WDPCP: variants seen among roughly 807,000 people sequenced by gnomAD.
WDPCP encodes the protein WD repeat containing planar cell polarity effector.
In WDPCP, 71 loss-of-function variants were observed where a neutral mutation model predicts 93.1. The observed-to-expected ratio is 0.76, with a 90% CI of 0.63 to 0.93. WDPCP has a LOEUF of 0.93. Among genes scored for constraint, WDPCP ranks in the 40% least tolerant of loss-of-function variants. The pLI is 0.00. For missense variants in WDPCP, 844 were observed against 887.4 expected, an observed-to-expected ratio of 0.95 and a Z score of 0.62; for synonymous variants, 315 against 315.0, an observed-to-expected ratio of 1.00 and a Z score of 0.00.
intron 1 of WDPCP, among the ~76,000 whole-genome samples, chr2:63,584,601 G>A (rs534990892): frequency 1.1e-4 from 17 of 151,906 alleles, no homozygotes; most frequent in Non-Finnish European, 2.2e-4. Flanking sequence ...CCTATTGATG[G>A]CCATATGGGT....
chr2:63,294,819 G>C (rs1239784566), intron 13 of WDPCP, among the ~76,000 whole-genome samples: 2 of 151,966 alleles, frequency 1.3e-5, no homozygotes, highest in Non-Finnish European at 2.9e-5. Context: ...TCCACCTTTT[G>C]CTCTCTATAC....
chr2:63,788,621 A>ATT (rs1670502424), intron 2 of WDPCP, among the ~76,000 whole-genome samples: 1 of 152,158 alleles, frequency 6.6e-6, no homozygotes, highest in Non-Finnish European at 1.5e-5. Context: ...TCTAAAGGAC[A>ATT]TTTTTATTTT....
intron 13 of WDPCP, among the ~76,000 whole-genome samples, chr2:63,277,160 T>C (rs1036755934): frequency 6.6e-6 from 1 of 152,106 alleles, no homozygotes; most frequent in Non-Finnish European, 1.5e-5. Context: ...TACAGTCTTT[T>C]CCAGACAGAC....
chr2:63,445,563 T>C (rs184088824), intron 6 of WDPCP, among the ~76,000 whole-genome samples: 1 of 152,146 alleles, frequency 6.6e-6, no homozygotes, highest in Admixed American at 6.5e-5. Flanking sequence ...CACAGAAACA[T>C]GGTCAAATTT....
At chr2:63,306,383 C>T (rs761305343) in intron 13 of WDPCP, among the ~76,000 whole-genome samples, 1 of 152,198 alleles carries the variant, frequency 6.6e-6, no homozygotes. Context: ...CTCCCTAACT[C>T]ATTTTATGAG....
At chr2:63,503,094 G>A (rs1701654662) in intron 1 of WDPCP, among the ~76,000 whole-genome samples, 2 of 152,110 alleles carry the variant, frequency 1.3e-5, no homozygotes. Flanking sequence ...GTTAAATTTG[G>A]AAAATATTTC....
intron 1 of WDPCP, among the ~76,000 whole-genome samples, chr2:63,560,226 GAAAAT>G (rs1026949761): frequency 2.0e-5 from 3 of 151,600 alleles, no homozygotes; most frequent in Admixed American, 1.3e-4. Flanking sequence ...TCCGTCGCAA[GAAAAT>G]AAAATAAAAT....
intron 1 of WDPCP, among the ~76,000 whole-genome samples, chr2:63,586,729 C>G (rs750940915): frequency 2.0e-4 from 31 of 152,202 alleles, no homozygotes; most frequent in Non-Finnish European, 3.4e-4. Context: ...TTCTGTATAT[C>G]TGGACTGGAT....
intron 14 of WDPCP, among the ~76,000 whole-genome samples, chr2:63,251,486 CTTT>C (rs869243555): frequency 3.7e-5 from 4 of 107,166 alleles, no homozygotes; most frequent in African/African-American, 3.6e-5. Flanking sequence ...AAAAGCCTAC[CTTT>C]TTTTTTTTTT....
intron 14 of WDPCP, among the ~76,000 whole-genome samples, chr2:63,242,195 T>C (rs904650891): frequency 2.0e-5 from 3 of 152,158 alleles, no homozygotes; most frequent in African/African-American, 7.2e-5. Context: ...TATCAGAATT[T>C]TAAAATACAT....
At chr2:63,583,889 C>G (rs1289855059) in intron 1 of WDPCP, among the ~76,000 whole-genome samples, 1 of 151,960 alleles carries the variant, frequency 6.6e-6, no homozygotes, top group Non-Finnish European at 1.5e-5. Flanking sequence ...GAGGATCATT[C>G]AAGCCCAGGC....
At chr2:63,267,380 C>T (rs1682226054) in intron 13 of WDPCP, among the ~76,000 whole-genome samples, 1 of 152,110 alleles carries the variant, frequency 6.6e-6, no homozygotes, top group African/African-American at 2.4e-5. Flanking sequence ...AAGCACAAGA[C>T]TTGAAACTTG....
At chr2:63,746,082 G>A (rs1380382838) in intron 2 of WDPCP, among the ~76,000 whole-genome samples, 8 of 152,190 alleles carry the variant, frequency 5.3e-5, no homozygotes, top group Admixed American at 2.0e-4. Flanking sequence ...ACCCCAAACA[G>A]AGGGACTGGC....
At chr2:63,700,260 G>C (rs1224298647) in intron 2 of WDPCP, among the ~76,000 whole-genome samples, 1 of 131,770 alleles carries the variant, frequency 7.6e-6, no homozygotes, top group Non-Finnish European at 1.6e-5. Flanking sequence ...TGCAGCCTGG[G>C]TGACAGAGTG....
chr2:63,711,671 A>C (rs1226962601), intron 2 of WDPCP: 7 of 152,296 alleles, frequency 4.6e-5, no homozygotes, highest in African/African-American at 1.7e-4. Flanking sequence ...TAAAGGGGGA[A>C]GATCCATTGA....
chr2:63,632,259 G>GAAC (rs1301565992), intron 3 of WDPCP, among the ~76,000 whole-genome samples: 1 of 151,942 alleles, frequency 6.6e-6, no homozygotes, highest in Non-Finnish European at 1.5e-5. Context: ...ATCAACATGA[G>GAAC]AACAACAACA....
chr2:63,121,028 T>C lies in WDPCP; in HGVS notation c.*978A>G, dbSNP rs1669519212. On this transcript the variant is annotated 3_prime_UTR_variant, in exon 18 of 18. Transcript: ENST00000272321. ...AACCAGGGTATCGGCATTTTTTTCTTTTCTTCATGGATTCTCTGAGCCCTA... is the reference window on the plus strand; with the variant it reads ...AACCAGGGTATCGGCATTTTTTTCTCTTCTTCATGGATTCTCTGAGCCCTA... Among the ~76,000 whole-genome samples, 1 of 152,116 alleles carries C rather than the reference T, an allele frequency of 6.6e-6. No homozygotes were observed. Among genetic ancestry groups the C allele is most frequent in the African/African-American group, 2.4e-5 (1 of 41,424 alleles).
At chr2:63,233,315 C>A in intron 14 of WDPCP, 1 of 271,480 alleles carries the variant, frequency 3.7e-6, no homozygotes, top group Non-Finnish European at 7.1e-6. Context: ...AAAATCAGAG[C>A]TAGCTGGCTT....
At chr2:63,532,055 C>T (rs1052474995) in intron 1 of WDPCP, among the ~76,000 whole-genome samples, 3 of 152,098 alleles carry the variant, frequency 2.0e-5, no homozygotes, top group Admixed American at 6.5e-5. Context: ...ACGAGAACTA[C>T]GTGACGCATG....
Sources: gnomAD v4.1 joint callset for allele counts (sites outside exome capture counted in the v4.1 genomes callset) on GRCh38, gnomAD v4.1.1 for gene constraint, MANE v1.5 for transcripts, NCBI Gene and HGNC (gene_info 2026-07-23, HGNC 2026-07-21) for gene names.